The following TSNARE1 variants were observed in gnomAD, a reference collection of about 807,000 sequenced individuals.
The protein encoded by TSNARE1 is t-SNARE domain containing 1.
Under a neutral mutation model 62.0 loss-of-function variants are expected in TSNARE1, and 49 were observed. The observed-to-expected ratio is 0.79, with a 90% CI of 0.63 to 1.00. The LOEUF (loss-of-function observed/expected upper bound fraction) is 1.00, where lower values mean the gene tolerates loss of function less well. TSNARE1 is among the 50% of genes least tolerant of loss of function. TSNARE1 has a pLI of 0.00. For synonymous variants in TSNARE1, 328 were observed against 294.4 expected (o/e 1.11, Z -1.17); for missense variants, 755 against 700.1 (o/e 1.08, Z -0.88).
chr8:142,218,601 C>T (rs933779108), intron 13 of TSNARE1, among the ~76,000 whole-genome samples: 1 of 152,232 alleles, frequency 6.6e-6, no homozygotes, highest in Non-Finnish European at 1.5e-5. Context: ...GTGAGCCCAG[C>T]CCAAGCAGGC....
At chr8:142,270,978 G>T (rs1012861936) in intron 12 of TSNARE1, 14 of 985,370 alleles carry the variant, frequency 1.4e-5, no homozygotes, top group Non-Finnish European at 1.6e-5. Context: ...AGTTGTCCCG[G>T]TGCCCTGGAG....
At chr8:142,302,905 A>G (rs1237289080) in intron 9 of TSNARE1, among the ~76,000 whole-genome samples, 2 of 151,966 alleles carry the variant, frequency 1.3e-5, no homozygotes, top group Admixed American at 6.6e-5. Flanking sequence ...GCAGCTGGCC[A>G]TGCAGGCCAG....
intron 12 of TSNARE1, 54 bp downstream of exon 12, chr8:142,274,727 G>A (rs1333900654): frequency 9.7e-6 from 14 of 1,438,570 alleles, no homozygotes; most frequent in Non-Finnish European, 1.1e-5. Flanking sequence ...AGGGTTGGAG[G>A]ATAGGGGACG....
intron 2 of TSNARE1, among the ~76,000 whole-genome samples, chr8:142,346,931 C>T (rs747889596): frequency 1.3e-5 from 2 of 152,210 alleles, no homozygotes; most frequent in Admixed American, 6.5e-5. Flanking sequence ...AGCCTCTCAT[C>T]GGACCCCCAC....
chr8:142,322,798 G>A (rs894520061), intron 6 of TSNARE1, among the ~76,000 whole-genome samples: 5 of 152,146 alleles, frequency 3.3e-5, no homozygotes, highest in Middle Eastern at 3.5e-3. Flanking sequence ...ATGAAAGGCC[G>A]GCCTTACCGT....
chr8:142,360,645 G>C (rs1333741334), intron 1 of TSNARE1, among the ~76,000 whole-genome samples: 5 of 152,078 alleles, frequency 3.3e-5, no homozygotes, highest in African/African-American at 1.2e-4. Flanking sequence ...CCAGCCTGAA[G>C]GGAGCCGTCT....
At chr8:142,322,010 A>G in intron 6 of TSNARE1, among the ~76,000 whole-genome samples, 1 of 152,232 alleles carries the variant, frequency 6.6e-6, no homozygotes, top group East Asian at 1.9e-4. Flanking sequence ...ACAATTTTAG[A>G]AAAACGAATT....
chr8:142,292,631 GC>G (rs1563843969), intron 10 of TSNARE1, among the ~76,000 whole-genome samples: 1 of 152,168 alleles, frequency 6.6e-6, no homozygotes, highest in East Asian at 1.9e-4. Flanking sequence ...GGAATGAGAA[GC>G]AAGGTCAAGG....
intron 11 of TSNARE1, among the ~76,000 whole-genome samples, chr8:142,283,136 C>A (rs1438699969): frequency 7.0e-6 from 1 of 141,926 alleles, no homozygotes; most frequent in South Asian, 2.3e-4. Flanking sequence ...AGAGGCGGGG[C>A]CAGTGTCTGT....
chr8:142,370,499 G>A (rs561244702), intron 1 of TSNARE1, among the ~76,000 whole-genome samples: 2 of 152,132 alleles, frequency 1.3e-5, no homozygotes, highest in South Asian at 4.1e-4. Context: ...TTGCGCCCAG[G>A]AGTTTGAGAT....
At chr8:142,299,630 C>T (rs1443157037) in intron 10 of TSNARE1, among the ~76,000 whole-genome samples, 1 of 152,232 alleles carries the variant, frequency 6.6e-6, no homozygotes, top group African/African-American at 2.4e-5. Context: ...TGCATGCACA[C>T]ACACGCACTC....
chr8:142,370,164 T>C (rs896119701), intron 1 of TSNARE1, among the ~76,000 whole-genome samples: 15 of 152,228 alleles, frequency 9.9e-5, no homozygotes, highest in South Asian at 2.1e-4. Context: ...TGCTGGCACC[T>C]TGATCCTGGA....
intron 6 of TSNARE1, among the ~76,000 whole-genome samples, chr8:142,330,016 G>T (rs575217543): frequency 2.0e-4 from 30 of 152,358 alleles, no homozygotes; most frequent in African/African-American, 5.3e-4. Flanking sequence ...GGCCTCCTCA[G>T]TTCTGGCCCT....
rs1038355446 is a variant in TSNARE1 at position 142,229,504 on chromosome 8, C to A, written c.1522G>T (p.Ala508Ser). Residue 508 changes from alanine to serine, a missense_variant, in exon 13 of 14, where the codon GCC becomes TCC. Transcript: ENST00000524325. ...TAGCATCACTTTCGGACAGAGGTGG[C>A]GATGATGATGATGATGACAAGCAGG... ...TALLVIIIII[A>S]TSVRK The A allele has an allele frequency of 6.2e-7, 1 of 1,613,150 alleles. No homozygotes were observed. The highest frequency in any genetic ancestry group is 1.1e-5 in the South Asian group (1 of 91,042).
chr8:142,270,600 C>T (rs1819444229), intron 12 of TSNARE1: 2 of 984,964 alleles, frequency 2.0e-6, no homozygotes, highest in Non-Finnish European at 1.2e-6. Context: ...GGAGCCCTGC[C>T]CTCCAAGTGT....
chr8:142,300,959 GGCAGGAAGGGTCCATGCTGCGGCCGCC>G (rs1825645528), intron 9 of TSNARE1, among the ~76,000 whole-genome samples: 1 of 151,626 alleles, frequency 6.6e-6, no homozygotes, highest in South Asian at 2.1e-4. Context: ...GTGGGCAGGA[GGCAGGAAGGGTCCATGCTGCGGCCGCC>G]CCCTCCAGGT....
At chr8:142,346,033 T>C in intron 2 of TSNARE1, 141 bp from the exon 3 acceptor site, 1 of 930,688 alleles carries the variant, frequency 1.1e-6, no homozygotes, top group Non-Finnish European at 1.6e-6. Flanking sequence ...CCTCCCTGCC[T>C]GCTATATCCT....
chr8:142,353,669 C>G (rs1052934995), intron 2 of TSNARE1, among the ~76,000 whole-genome samples: 2 of 152,164 alleles, frequency 1.3e-5, no homozygotes, highest in Non-Finnish European at 2.9e-5. Context: ...AAGGAGCCAG[C>G]GAGGGCCCCT....
In TSNARE1 at chr8:142,222,371, TTCAC is replaced by T. The variant is rs1203059321; in HGVS notation, c.*11+7098_*11+7101del. On this transcript the variant is annotated intron_variant, in intron 13 of 13. Transcript: ENST00000524325. ...ACTCACTCACTCACTCATCCACTAA[TTCAC>T]TCACTCACTCAGTCATCCACTCACT... Among the ~76,000 whole-genome samples, 159 of 36,354 alleles carry T rather than the reference TTCAC, an allele frequency of 4.4e-3. 30 individuals carry two copies. Among genetic ancestry groups the T allele is most frequent in the African/African-American group, 0.015 (148 of 9,776 alleles). 23.8% of individuals were successfully genotyped at this position (36,354 alleles called of 152,430 possible).
Sources: gnomAD v4.1 joint callset for allele counts (sites outside exome capture counted in the v4.1 genomes callset) on GRCh38, gnomAD v4.1.1 for gene constraint, MANE v1.5 for transcripts, NCBI Gene and HGNC (gene_info 2026-07-23, HGNC 2026-07-21) for gene names.